Variants in MGAT4A observed in about 807,000 individuals in gnomAD.
MGAT4A encodes the protein N-acetylglucosaminyltransferase IVa.
A neutral mutation model predicts 74.1 loss-of-function variants in MGAT4A; 33 were observed. That is an observed-to-expected ratio of 0.45 (90% CI 0.34 to 0.60). MGAT4A has a LOEUF of 0.60. Among genes scored for constraint, MGAT4A ranks in the 20% least tolerant of loss-of-function variants. The pLI is 0.02. For synonymous variants in MGAT4A, 198 were observed against 210.4 expected, an observed-to-expected ratio of 0.94 and a Z score of 0.51; for missense variants, 479 against 628.3, an observed-to-expected ratio of 0.76 and a Z score of 2.54.
chr2:98,716,088 G>A (rs931339576), intron 2 of MGAT4A, among the ~76,000 whole-genome samples: 1 of 152,196 alleles, frequency 6.6e-6, no homozygotes, highest in African/African-American at 2.4e-5. Context: ...GGAGGCTGAG[G>A]CAGGAGGATC....
At chr2:98,729,925 T>C (rs1362386593) in intron 1 of MGAT4A, among the ~76,000 whole-genome samples, 1 of 152,224 alleles carries the variant, frequency 6.6e-6, no homozygotes, top group Non-Finnish European at 1.5e-5. Flanking sequence ...AACGGGTCAG[T>C]AGTTTTCTTT....
chr2:98,635,402 G>T, intron 13 of MGAT4A, 114 bp from the exon 14 acceptor site: 1 of 674,496 alleles, frequency 1.5e-6, no homozygotes, highest in Non-Finnish European at 2.4e-6. Flanking sequence ...TCCCTAAAAA[G>T]AGAAATATCA....
In MGAT4A at chr2:98,625,366, A is replaced by G; in HGVS notation, c.*200T>C. On this transcript the variant is annotated 3_prime_UTR_variant, in exon 16 of 16. Coordinates refer to ENST00000393487, the MANE Select transcript of MGAT4A (RefSeq NM_012214.3). The stretch of plus-strand genomic sequence containing the variant: ...TCATAATTGAAAAATGTTTGAGTCA[A>G]GTTAAAATCTGAGGACAGCTTAGTT... 1.5e-6 allele frequency: 2 copies of G among 1,378,690 alleles called. No individual in the cohort carries two copies. Among genetic ancestry groups the G allele is most frequent in the Non-Finnish European group, 1.9e-6 (2 of 1,064,296 alleles). 85.4% of individuals were successfully genotyped at this position (1,378,690 alleles called of 1,614,324 possible).
intron 2 of MGAT4A, among the ~76,000 whole-genome samples, chr2:98,716,697 GC>G (rs1559176149): frequency 6.6e-6 from 1 of 152,184 alleles, no homozygotes; most frequent in Non-Finnish European, 1.5e-5. Flanking sequence ...GTTGTCCCTT[GC>G]TATCCATGGG....
chr2:98,705,900 C>A (rs1702420444), intron 2 of MGAT4A, among the ~76,000 whole-genome samples: 1 of 149,992 alleles, frequency 6.7e-6, no homozygotes, highest in African/African-American at 2.5e-5. Flanking sequence ...CGAGATTGCG[C>A]CACTGCAGTC....
intron 4 of MGAT4A, among the ~76,000 whole-genome samples, chr2:98,670,251 G>A (rs947928627): frequency 6.6e-6 from 1 of 152,072 alleles, no homozygotes; most frequent in African/African-American, 2.4e-5. Context: ...CTAGGTACTG[G>A]GATCACTAAT....
chr2:98,691,863 G>A (rs1192588783), intron 2 of MGAT4A, among the ~76,000 whole-genome samples: 1 of 152,078 alleles, frequency 6.6e-6, no homozygotes, highest in Non-Finnish European at 1.5e-5. Context: ...GGAAACTGAT[G>A]ATCCTGACCC....
intron 8 of MGAT4A, among the ~76,000 whole-genome samples, chr2:98,648,335 C>T (rs1464017846): frequency 6.6e-6 from 1 of 151,964 alleles, no homozygotes; most frequent in Non-Finnish European, 1.5e-5. Flanking sequence ...CCTGTCTCCA[C>T]TAAAAATACA....
chr2:98,644,932 C>T (rs1332200590), intron 9 of MGAT4A, among the ~76,000 whole-genome samples: 3 of 152,180 alleles, frequency 2.0e-5, no homozygotes, highest in Non-Finnish European at 2.9e-5. Flanking sequence ...CTGCGCCTGG[C>T]TAACTTTAAA....
At chr2:98,679,278 C>T (rs1260873756) in intron 2 of MGAT4A, among the ~76,000 whole-genome samples, 1 of 151,922 alleles carries the variant, frequency 6.6e-6, no homozygotes, top group African/African-American at 2.4e-5. Flanking sequence ...CGGTGGTGGG[C>T]GCCTGTAGTC....
In MGAT4A at chr2:98,619,272, T is replaced by A. The variant is rs1284106308; in HGVS notation, c.*6294A>T. Reference sequence around the variant, plus strand: ...TCAATTATAGCAGCAAATCTGAAAATAAATAATCTTCCTTTAAAAATCCAA... The same window carrying A: ...TCAATTATAGCAGCAAATCTGAAAAAAAATAATCTTCCTTTAAAAATCCAA... On this transcript the variant is annotated 3_prime_UTR_variant, in exon 16 of 16. Transcript: ENST00000393487. 1 of 152,324 alleles carries A rather than the reference T, an allele frequency of 6.6e-6. No homozygotes were observed. Among genetic ancestry groups the A allele is most frequent in the African/African-American group, 2.4e-5 (1 of 41,340 alleles). The allele number at this position is 152,324 out of a possible 1,614,324, so 9.4% of individuals were successfully genotyped here. A position where few individuals can be genotyped will look rare whatever the true frequency, so the allele number is the denominator to read the frequency against.
chr2:98,637,843 C>A (rs781755023), intron 12 of MGAT4A, among the ~76,000 whole-genome samples: 8 of 152,158 alleles, frequency 5.3e-5, no homozygotes, highest in Non-Finnish European at 1.2e-4. Flanking sequence ...GACAAAAAGT[C>A]CCCCGCACAT....
At chr2:98,679,578 G>A (rs1225666280) in intron 2 of MGAT4A, among the ~76,000 whole-genome samples, 1 of 152,088 alleles carries the variant, frequency 6.6e-6, no homozygotes, top group African/African-American at 2.4e-5. Flanking sequence ...GCTACAGTGA[G>A]CTATGATCAC....
At position 98,626,536 on chromosome 2, in the gene MGAT4A, T is replaced by C. The variant is rs111539807; in HGVS notation, c.1469-701A>G. Among the ~76,000 whole-genome samples the C allele has an allele frequency of 5.4e-3, 829 of 152,296 alleles. 7 individuals are homozygous for C. The highest frequency in any genetic ancestry group is 0.019 in the African/African-American group (794 of 41,558). On this transcript the variant is annotated intron_variant, in intron 14 of 15. Coordinates refer to ENST00000393487, the MANE Select transcript of MGAT4A (RefSeq NM_012214.3). ...TGGTTCATTGTGGGCCAAATTTCTT[T>C]AAGCCAAGGTTGGTAAACTTTTTCT...
rs1701106510 is a variant in MGAT4A at position 98,624,197 on chromosome 2, A to G, written c.*1369T>C. ...CTGGCTAATTTTTTGTATTTTTAGT[A>G]GAGACAGGGTTTCACCGTGTTAGCC... On this transcript the variant is annotated 3_prime_UTR_variant, in exon 16 of 16. Transcript: ENST00000393487. 6.0e-6 allele frequency: 3 copies of G among 496,892 alleles called. No homozygotes were observed. The highest frequency in any genetic ancestry group is 7.8e-6 in the Non-Finnish European group (3 of 383,950). 30.8% of individuals were successfully genotyped at this position (496,892 alleles called of 1,614,324 possible). A position where few individuals can be genotyped will look rare whatever the true frequency, so the allele number is the denominator to read the frequency against.
At chr2:98,639,676 T>C in intron 12 of MGAT4A, 132 bp downstream of exon 12, 2 of 656,462 alleles carry the variant, frequency 3.0e-6, no homozygotes, top group Non-Finnish European at 4.9e-6. Context: ...TTACATGTAA[T>C]TTAAAGCCCA....
At position 98,623,689 on chromosome 2, in the gene MGAT4A, TC is replaced by T. The variant is rs767768870; in HGVS notation, c.*1876del. Reference sequence around the variant, plus strand: ...TTTGGCAATGTGATTGACTTTTCAATCAAGAAAAGTAACTAAAAATTATAAC... The same window carrying T: ...TTTGGCAATGTGATTGACTTTTCAATAAGAAAAGTAACTAAAAATTATAAC... On this transcript the variant is annotated 3_prime_UTR_variant, in exon 16 of 16. Transcript: ENST00000393487. 4.9e-5 allele frequency: 48 copies of T among 985,182 alleles called. No individual in the cohort carries two copies. Among genetic ancestry groups the T allele is most frequent in the Non-Finnish European group, 5.8e-5 (48 of 829,824 alleles). 61.0% of individuals were successfully genotyped at this position (985,182 alleles called of 1,614,324 possible). A position where few individuals can be genotyped will look rare whatever the true frequency, so the allele number is the denominator to read the frequency against.
At chr2:98,679,721 G>A (rs1013444598) in intron 2 of MGAT4A, among the ~76,000 whole-genome samples, 7 of 152,096 alleles carry the variant, frequency 4.6e-5, no homozygotes, top group African/African-American at 1.2e-4. Flanking sequence ...AGAATCACGC[G>A]TCAAAAAAAC....
intron 14 of MGAT4A, among the ~76,000 whole-genome samples, chr2:98,629,168 C>T (rs552167686): frequency 3.3e-5 from 5 of 152,210 alleles, no homozygotes; most frequent in East Asian, 3.9e-4. Context: ...CCCCATGGAC[C>T]GTAGTTTGCT....
Sources: gnomAD v4.1 joint callset for allele counts (sites outside exome capture counted in the v4.1 genomes callset) on GRCh38, gnomAD v4.1.1 for gene constraint, MANE v1.5 for transcripts, NCBI Gene and HGNC (gene_info 2026-07-23, HGNC 2026-07-21) for gene names.